Variants in AFG2A observed in about 807,000 individuals in gnomAD.
The protein encoded by AFG2A is ATPase family gene 2 protein homolog A.
At chr4:123,141,871 C>T in the AFG2A span, among the ~76,000 whole-genome samples, 1 of 152,084 alleles carries the variant, frequency 6.6e-6, no homozygotes, top group African/African-American at 2.4e-5. Context: ...TGCCTTTTTA[C>T]TCACTTGCCA....
At chr4:123,242,529 G>A in the AFG2A span, among the ~76,000 whole-genome samples, 1 of 152,162 alleles carries the variant, frequency 6.6e-6, no homozygotes, top group Non-Finnish European at 1.5e-5. Context: ...ATGGTGCTGG[G>A]AAAACTGGCT....
At chr4:123,143,817 A>G in the AFG2A span, among the ~76,000 whole-genome samples, 1 of 139,788 alleles carries the variant, frequency 7.2e-6, no homozygotes, top group South Asian at 2.6e-4. Flanking sequence ...AGGGATATGC[A>G]TAAACTTCTC....
At chr4:123,182,073 C>G in the AFG2A span, among the ~76,000 whole-genome samples, 3 of 152,228 alleles carry the variant, frequency 2.0e-5, no homozygotes, top group East Asian at 3.9e-4. Flanking sequence ...TCCTGTTCAT[C>G]AAATTGATGA....
At chr4:123,083,594 G>T in the AFG2A span, among the ~76,000 whole-genome samples, 1 of 149,260 alleles carries the variant, frequency 6.7e-6, no homozygotes, top group African/African-American at 2.5e-5. Flanking sequence ...TAAGAGACAG[G>T]GTCTCACTCT....
At chr4:123,118,147 T>C in the AFG2A span, among the ~76,000 whole-genome samples, 1 of 151,272 alleles carries the variant, frequency 6.6e-6, no homozygotes, top group Non-Finnish European at 1.5e-5. Context: ...CAAAACTGTA[T>C]GGAAAGATAT....
chr4:123,146,681 C>CT, the AFG2A span, among the ~76,000 whole-genome samples: 1 of 152,082 alleles, frequency 6.6e-6, no homozygotes, highest in Non-Finnish European at 1.5e-5. Context: ...TTTCCAGGTG[C>CT]TTTTTTATCT....
the AFG2A span, among the ~76,000 whole-genome samples, chr4:123,247,756 T>A: frequency 1.3e-5 from 2 of 152,124 alleles, no homozygotes; most frequent in Non-Finnish European, 1.5e-5. Context: ...CTCTAACACA[T>A]TCCTCTCATA....
the AFG2A span, among the ~76,000 whole-genome samples, chr4:123,094,028 G>A: frequency 2.0e-5 from 3 of 152,184 alleles, no homozygotes; most frequent in Non-Finnish European, 4.4e-5. Context: ...TGCCTGCAGC[G>A]ACTTACAAGA....
chr4:122,932,355 G>A, the AFG2A span, among the ~76,000 whole-genome samples: 2 of 151,944 alleles, frequency 1.3e-5, no homozygotes, highest in African/African-American at 4.8e-5. Flanking sequence ...CGTCTGGCTA[G>A]TTTTCTTTTG....
chr4:122,970,685 C>T, the AFG2A span, among the ~76,000 whole-genome samples: 3,253 of 150,470 alleles, frequency 0.022, 59 homozygotes, highest in Non-Finnish European at 0.036. Flanking sequence ...TAGGCTATAC[C>T]ATATAGCCTA....
the AFG2A span, among the ~76,000 whole-genome samples, chr4:123,275,316 C>T: frequency 2.0e-5 from 3 of 152,028 alleles, no homozygotes; most frequent in African/African-American, 7.3e-5. Flanking sequence ...TTCTCCTGGC[C>T]TCTTCTGCTC....
At chr4:123,022,748 T>G in the AFG2A span, among the ~76,000 whole-genome samples, 2 of 151,956 alleles carry the variant, frequency 1.3e-5, no homozygotes, top group South Asian at 4.2e-4. Flanking sequence ...ATGTTTATTG[T>G]GGCACTATTC....
chr4:123,282,130 G>A, the AFG2A span, among the ~76,000 whole-genome samples: 1 of 152,166 alleles, frequency 6.6e-6, no homozygotes. Flanking sequence ...AGGGCAAGGA[G>A]TATCTGGGAA....
At chr4:123,256,273 A>C in the AFG2A span, 1 of 1,410,028 alleles carries the variant, frequency 7.1e-7, no homozygotes, top group Non-Finnish European at 9.7e-7. Flanking sequence ...AGGTGTTTTA[A>C]ATGACCATAC....
At chr4:123,168,967 T>C in the AFG2A span, among the ~76,000 whole-genome samples, 6 of 152,222 alleles carry the variant, frequency 3.9e-5, no homozygotes, top group African/African-American at 1.4e-4. Flanking sequence ...AGTACATTCC[T>C]TAGATGTCAG....
the AFG2A span, among the ~76,000 whole-genome samples, chr4:123,221,833 A>G: frequency 2.6e-5 from 4 of 152,222 alleles, no homozygotes; most frequent in South Asian, 6.2e-4. Flanking sequence ...AGGCTGAGGC[A>G]GGAGAATCAT....
the AFG2A span, among the ~76,000 whole-genome samples, chr4:122,956,953 C>T: frequency 1.3e-5 from 2 of 152,090 alleles, no homozygotes; most frequent in Admixed American, 1.3e-4. Flanking sequence ...GAGAGTTGGA[C>T]AGACTTGCTT....
chr4:123,186,570 C>T, the AFG2A span, among the ~76,000 whole-genome samples: 2 of 152,116 alleles, frequency 1.3e-5, no homozygotes, highest in African/African-American at 4.8e-5. Flanking sequence ...GTCTAATAAT[C>T]TTATAAAAGG....
the AFG2A span, among the ~76,000 whole-genome samples, chr4:123,037,828 G>A: frequency 1.2e-4 from 18 of 151,886 alleles, no homozygotes; most frequent in African/African-American, 3.6e-4. Context: ...AAATCTTAAC[G>A]GGACATTTCA....
Sources: gnomAD v4.1 joint callset for allele counts (sites outside exome capture counted in the v4.1 genomes callset) on GRCh38, gnomAD v4.1.1 for gene constraint, MANE v1.5 for transcripts, NCBI Gene and HGNC (gene_info 2026-07-23, HGNC 2026-07-21) for gene names.